HS6ST3: variants seen among roughly 807,000 people sequenced by gnomAD.
HS6ST3 encodes heparan sulfate 6-O-sulfotransferase 3.
A neutral mutation model predicts 36.7 loss-of-function variants in HS6ST3; 12 were observed. The observed-to-expected ratio is 0.33, with a 90% CI of 0.21 to 0.53. HS6ST3 has a LOEUF of 0.53. Among genes scored for constraint, HS6ST3 ranks in the 20% least tolerant of loss-of-function variants. HS6ST3 has a pLI of 0.95. For synonymous variants in HS6ST3, 240 were observed against 257.5 expected (o/e 0.93, Z 0.65); for missense variants, 584 against 640.9 (o/e 0.91, Z 0.96).
At chr13:96,324,693 T>A (rs2055021678) in intron 1 of HS6ST3, among the ~76,000 whole-genome samples, 1 of 152,098 alleles carries the variant, frequency 6.6e-6, no homozygotes, top group Non-Finnish European at 1.5e-5. Flanking sequence ...AAATGGAACA[T>A]TTGAACACAG....
At chr13:96,102,476 T>C (rs922648309) in intron 1 of HS6ST3, among the ~76,000 whole-genome samples, 1 of 152,094 alleles carries the variant, frequency 6.6e-6, no homozygotes, top group Non-Finnish European at 1.5e-5. Context: ...AGTGAGACTC[T>C]GTCTCAAAAC....
intron 1 of HS6ST3, among the ~76,000 whole-genome samples, chr13:96,714,598 T>C (rs551807824): frequency 6.6e-6 from 1 of 152,310 alleles, no homozygotes; most frequent in African/African-American, 2.4e-5. Flanking sequence ...TATACTAAAG[T>C]TGAAGATGTG....
At chr13:96,368,331 G>C (rs193055814) in intron 1 of HS6ST3, among the ~76,000 whole-genome samples, 1 of 152,220 alleles carries the variant, frequency 6.6e-6, no homozygotes, top group Non-Finnish European at 1.5e-5. Context: ...GTAAAAGGAA[G>C]GCTAGTTTGT....
chr13:96,818,387 G>C (rs1878465347), intron 1 of HS6ST3, among the ~76,000 whole-genome samples: 1 of 152,196 alleles, frequency 6.6e-6, no homozygotes, highest in African/African-American at 2.4e-5. Flanking sequence ...AAGAGAACCT[G>C]ATTAGGGCTC....
chr13:96,711,568 T>G (rs1297636350), intron 1 of HS6ST3, among the ~76,000 whole-genome samples: 5 of 152,228 alleles, frequency 3.3e-5, no homozygotes, highest in African/African-American at 9.6e-5. Flanking sequence ...CTTTTACTTT[T>G]GTCACTTCCT....
At chr13:96,117,087 T>C (rs974921379) in intron 1 of HS6ST3, among the ~76,000 whole-genome samples, 6 of 152,246 alleles carry the variant, frequency 3.9e-5, no homozygotes, top group Admixed American at 1.3e-4. Flanking sequence ...ATTGCACATT[T>C]AAGATTGTGA....
intron 1 of HS6ST3, among the ~76,000 whole-genome samples, chr13:96,294,689 T>A (rs1371232800): frequency 6.6e-6 from 1 of 152,150 alleles, no homozygotes; most frequent in Non-Finnish European, 1.5e-5. Flanking sequence ...TGATTATAAG[T>A]TTATATGCTT....
At chr13:96,226,078 A>G (rs1263234926) in intron 1 of HS6ST3, among the ~76,000 whole-genome samples, 1 of 152,186 alleles carries the variant, frequency 6.6e-6, no homozygotes, top group Admixed American at 6.5e-5. Context: ...TGTCACTTTA[A>G]TGTAGACTGA....
chr13:96,762,913 G>A (rs1191814453), intron 1 of HS6ST3, among the ~76,000 whole-genome samples: 1 of 151,928 alleles, frequency 6.6e-6, no homozygotes, highest in Non-Finnish European at 1.5e-5. Flanking sequence ...TGTTCTTTTA[G>A]TCTGTCTTCT....
At chr13:96,553,516 A>G (rs564304587) in intron 1 of HS6ST3, among the ~76,000 whole-genome samples, 5 of 152,320 alleles carry the variant, frequency 3.3e-5, no homozygotes, top group South Asian at 2.1e-4. Context: ...CCTTGAGTTG[A>G]ACCTTGGAGA....
intron 1 of HS6ST3, among the ~76,000 whole-genome samples, chr13:96,336,317 A>G (rs541077219): frequency 1.3e-5 from 2 of 152,230 alleles, no homozygotes; most frequent in African/African-American, 4.8e-5. Context: ...TTCTAATACC[A>G]TGAGTTTTCC....
intron 1 of HS6ST3, among the ~76,000 whole-genome samples, chr13:96,613,675 T>C (rs1322372311): frequency 6.6e-6 from 1 of 152,222 alleles, no homozygotes; most frequent in Non-Finnish European, 1.5e-5. Flanking sequence ...TTCTCTGCAT[T>C]TTAAAATCTG....
intron 1 of HS6ST3, among the ~76,000 whole-genome samples, chr13:96,513,298 C>A (rs1217306374): frequency 6.6e-6 from 1 of 151,856 alleles, no homozygotes. Context: ...TCTAAAGATT[C>A]CAGCCTTTAT....
intron 1 of HS6ST3, among the ~76,000 whole-genome samples, chr13:96,647,785 C>T (rs2056594023): frequency 6.6e-6 from 1 of 151,676 alleles, no homozygotes. Context: ...TTTCATTTCA[C>T]AGGAAAACAT....
At chr13:96,426,984 C>A (rs2055590009) in intron 1 of HS6ST3, among the ~76,000 whole-genome samples, 1 of 152,126 alleles carries the variant, frequency 6.6e-6, no homozygotes, top group African/African-American at 2.4e-5. Context: ...TGTAAAAATT[C>A]TGAGGTCCAA....
At chr13:96,298,113 A>C (rs2054864058) in intron 1 of HS6ST3, among the ~76,000 whole-genome samples, 1 of 152,180 alleles carries the variant, frequency 6.6e-6, no homozygotes, top group African/African-American at 2.4e-5. Flanking sequence ...TTAACTGGTT[A>C]GATATGTTGT....
chr13:96,246,798 G>A (rs1474987248), intron 1 of HS6ST3, among the ~76,000 whole-genome samples: 3 of 152,102 alleles, frequency 2.0e-5, no homozygotes, highest in Non-Finnish European at 4.4e-5. Flanking sequence ...TCTTCCCCAC[G>A]ATGGAATGGA....
chr13:96,816,879 T>G (rs1339475221), intron 1 of HS6ST3, among the ~76,000 whole-genome samples: 1 of 152,232 alleles, frequency 6.6e-6, no homozygotes, highest in African/African-American at 2.4e-5. Context: ...CCATTTTCCC[T>G]TTGATAAGGG....
At chr13:96,597,400 G>C (rs1468927272) in intron 1 of HS6ST3, among the ~76,000 whole-genome samples, 1 of 151,394 alleles carries the variant, frequency 6.6e-6, no homozygotes, top group Non-Finnish European at 1.5e-5. Flanking sequence ...TCTTATTGTG[G>C]TTTTAATTTG....
Sources: gnomAD v4.1 joint callset for allele counts (sites outside exome capture counted in the v4.1 genomes callset) on GRCh38, gnomAD v4.1.1 for gene constraint, MANE v1.5 for transcripts, NCBI Gene and HGNC (gene_info 2026-07-23, HGNC 2026-07-21) for gene names.